The following CEP128 variants were observed in gnomAD, a reference collection of about 807,000 sequenced individuals.
CEP128 encodes the protein centrosomal protein 128.
In CEP128, 132 loss-of-function variants were observed where a neutral mutation model predicts 156.7. The observed-to-expected ratio is 0.84, with a 90% CI of 0.73 to 0.97. CEP128 has a LOEUF of 0.97. Ranked by LOEUF, CEP128 falls within the 50% of genes least tolerant of loss-of-function variation. The pLI is 0.00. For synonymous variants in CEP128, 469 were observed against 448.9 expected (o/e 1.04, Z -0.57); for missense variants, 1,252 against 1,281.9 (o/e 0.98, Z 0.36).
chr14:80,671,776 G>C (rs1895851401), intron 19 of CEP128, among the ~76,000 whole-genome samples: 2 of 145,930 alleles, frequency 1.4e-5, no homozygotes, highest in African/African-American at 5.1e-5. Context: ...AGAGGATGTT[G>C]CTTTATGGTT....
intron 13 of CEP128, among the ~76,000 whole-genome samples, chr14:80,801,625 T>C (rs1197746334): frequency 5.3e-5 from 8 of 151,854 alleles, no homozygotes; most frequent in Non-Finnish European, 1.2e-4. Flanking sequence ...CAACTCAACA[T>C]CGGTCAGATG....
intron 8 of CEP128, among the ~76,000 whole-genome samples, chr14:80,878,441 TC>T (rs538296895): frequency 1.2e-4 from 19 of 152,186 alleles, no homozygotes; most frequent in Non-Finnish European, 2.2e-4. Context: ...ATATTACCAT[TC>T]CTCAGTCCTT....
chr14:80,566,543 T>G (rs1347123531), intron 20 of CEP128, among the ~76,000 whole-genome samples: 2 of 152,216 alleles, frequency 1.3e-5, no homozygotes, highest in Non-Finnish European at 2.9e-5. Flanking sequence ...ACTATCTCAG[T>G]GTAGCAACAT....
chr14:80,772,506 T>C (rs189747955), intron 16 of CEP128, among the ~76,000 whole-genome samples: 2 of 152,254 alleles, frequency 1.3e-5, no homozygotes, highest in East Asian at 3.9e-4. Flanking sequence ...AGTCCATGCG[T>C]GAATTGATTC....
At position 80,909,371 on chromosome 14, in the gene CEP128, T is replaced by TCACACACACACACA. The variant is rs36082524; in HGVS notation, c.235-3304_235-3291dup. On this transcript the variant is annotated intron_variant, in intron 4 of 24. Transcript: ENST00000555265. Reference sequence around the variant, plus strand: ...AAAAGCTCAGAAATAAAGTGAATTTTCACACACACACACACACACACACAC... The same window carrying TCACACACACACACA: ...AAAAGCTCAGAAATAAAGTGAATTTTCACACACACACACACACACACACACACACACACACACAC... 5.5e-3 allele frequency among the ~76,000 whole-genome samples: 778 copies of TCACACACACACACA among 142,414 alleles called. 7 individuals are homozygous for TCACACACACACACA. Among genetic ancestry groups the TCACACACACACACA allele is most frequent in the African/African-American group, 0.018 (686 of 37,774 alleles). 93.4% of individuals were successfully genotyped at this position (142,414 alleles called of 152,430 possible). A position where few individuals can be genotyped will look rare whatever the true frequency, so the allele number is the denominator to read the frequency against.
chr14:80,778,496 A>C (rs1900923381), intron 15 of CEP128, among the ~76,000 whole-genome samples: 1 of 152,212 alleles, frequency 6.6e-6, no homozygotes, highest in South Asian at 2.1e-4. Flanking sequence ...GATGGGGCTT[A>C]ACATTCCTGT....
chr14:80,608,767 C>T (rs958570673), intron 19 of CEP128, among the ~76,000 whole-genome samples: 1 of 152,206 alleles, frequency 6.6e-6, no homozygotes, highest in Non-Finnish European at 1.5e-5. Context: ...AGCTTTCCCA[C>T]GTGGGGTTAG....
intron 19 of CEP128, among the ~76,000 whole-genome samples, chr14:80,701,227 T>G (rs1362757134): frequency 4.6e-5 from 7 of 152,116 alleles, no homozygotes; most frequent in Admixed American, 4.6e-4. Context: ...GGTTCCTGTG[T>G]AGCCTGCAAG....
intron 19 of CEP128, among the ~76,000 whole-genome samples, chr14:80,592,719 T>A (rs111923400): frequency 0.13 from 20,498 of 152,124 alleles, 1,482 homozygotes; most frequent in South Asian, 0.25. Context: ...CAGGTCAATA[T>A]CCCTGAAGAA....
chr14:80,779,439 C>A (rs982961364), intron 15 of CEP128, among the ~76,000 whole-genome samples: 3 of 152,104 alleles, frequency 2.0e-5, no homozygotes, highest in African/African-American at 2.4e-5. Flanking sequence ...AAAATAAAAT[C>A]TCTCATCAGG....
chr14:80,918,544 T>C (rs1884683037), intron 2 of CEP128, among the ~76,000 whole-genome samples: 1 of 152,174 alleles, frequency 6.6e-6, no homozygotes, highest in Admixed American at 6.6e-5. Context: ...AATATCCAAC[T>C]CCATACAGTA....
chr14:80,626,379 G>C, intron 19 of CEP128, among the ~76,000 whole-genome samples: 1 of 150,586 alleles, frequency 6.6e-6, no homozygotes, highest in Non-Finnish European at 1.5e-5. Flanking sequence ...CAGGAGAATG[G>C]CGTGAACCCG....
chr14:80,504,992 T>C lies in CEP128; in HGVS notation c.3101A>G (p.His1034Arg). The change falls in exon 24 of 25, where the codon CAC (histidine) becomes CGC (arginine). Residue 1034 changes from histidine to arginine, a missense_variant. Transcript: ENST00000555265. ...GGATGAGTGATCTAACCCACGAGTG[T>C]GGGAACCTTCCAGAAAGGTTCTGTC... ...KGDRTFLEGS[H>R]TRGLDHSSSW... 6.3e-7 allele frequency: 1 copy of C among 1,599,090 alleles called. No individual in the cohort carries two copies. Among genetic ancestry groups the C allele is most frequent in the Non-Finnish European group, 8.5e-7 (1 of 1,171,860 alleles).
chr14:80,808,975 A>C (rs1329141224), intron 13 of CEP128, among the ~76,000 whole-genome samples: 3 of 152,236 alleles, frequency 2.0e-5, no homozygotes, highest in Non-Finnish European at 4.4e-5. Flanking sequence ...AGGAAATACA[A>C]CACCTTCAAA....
intron 23 of CEP128, among the ~76,000 whole-genome samples, chr14:80,518,788 T>C (rs1287914769): frequency 6.6e-6 from 1 of 152,192 alleles, no homozygotes; most frequent in Admixed American, 6.5e-5. Flanking sequence ...TAAGTTCTAA[T>C]ATAAGTCTTC....
At chr14:80,552,185 T>C (rs1890236349) in intron 21 of CEP128, among the ~76,000 whole-genome samples, 1 of 152,086 alleles carries the variant, frequency 6.6e-6, no homozygotes, top group Non-Finnish European at 1.5e-5. Context: ...GGTGGGCACC[T>C]GTAATCCCAG....
intron 15 of CEP128, among the ~76,000 whole-genome samples, chr14:80,783,193 C>G (rs745764593): frequency 6.6e-6 from 1 of 152,140 alleles, no homozygotes; most frequent in Non-Finnish European, 1.5e-5. Context: ...ACTAGATTTA[C>G]CACTGTTCTC....
chr14:80,799,423 A>G (rs1488396741), intron 13 of CEP128, among the ~76,000 whole-genome samples: 1 of 152,198 alleles, frequency 6.6e-6, no homozygotes, highest in Non-Finnish European at 1.5e-5. Flanking sequence ...GTGTGTTTGA[A>G]CAATATGAAA....
At position 80,905,939 on chromosome 14, in the gene CEP128, C is replaced by T. The variant is rs763451822; in HGVS notation, c.361+16G>A. ...AAAATATTTTTAATGTTTTTCAGAACATTTGAAGTGTTTACCTGACCCAGT... is the reference window on the plus strand; with the variant it reads ...AAAATATTTTTAATGTTTTTCAGAATATTTGAAGTGTTTACCTGACCCAGT... On this transcript the variant is annotated intron_variant, in intron 5 of 24. Coordinates refer to ENST00000555265, the MANE Select transcript of CEP128 (RefSeq NM_152446.5). The T allele has an allele frequency of 1.2e-6, 2 of 1,605,046 alleles. No individual in the cohort carries two copies. Among genetic ancestry groups the T allele is most frequent in the Admixed American group, 1.7e-5 (1 of 57,390 alleles).
Sources: allele counts gnomAD v4.1 joint callset (sites outside exome capture counted in the v4.1 genomes callset), GRCh38; gene constraint gnomAD v4.1.1; transcripts MANE v1.5; gene names NCBI Gene and HGNC (gene_info 2026-07-23, HGNC 2026-07-21).